The following EYS variants were observed in gnomAD, a reference collection of about 807,000 sequenced individuals.
The protein encoded by EYS is protein eyes shut homolog.
A neutral mutation model predicts 282.1 loss-of-function variants in EYS; 250 were observed. That is an observed-to-expected ratio of 0.89 (90% CI 0.80 to 0.98). The LOEUF is 0.98. Ranked by LOEUF, EYS falls within the 50% of genes least tolerant of loss-of-function variation. The pLI, the probability that EYS is intolerant of heterozygous loss-of-function variation, is 0.00. For synonymous variants in EYS, 1,355 were observed against 1,282.9 expected, an observed-to-expected ratio of 1.06 and a Z score of -1.20; for missense variants, 4,016 against 3,709.0, an observed-to-expected ratio of 1.08 and a Z score of -2.15.
At chr6:65,200,358 G>A (rs1026887727) in intron 12 of EYS, among the ~76,000 whole-genome samples, 1 of 151,570 alleles carries the variant, frequency 6.6e-6, no homozygotes, top group Non-Finnish European at 1.5e-5. Flanking sequence ...CAATATTTAA[G>A]CCAGAGAATT....
chr6:63,989,194 A>G (rs1767501407), intron 34 of EYS, among the ~76,000 whole-genome samples: 1 of 151,698 alleles, frequency 6.6e-6, no homozygotes, highest in African/African-American at 2.4e-5. Context: ...ATGACTTACA[A>G]TTGAAACAAA....
At chr6:64,184,127 G>A (rs767012828) in intron 31 of EYS, among the ~76,000 whole-genome samples, 71 of 152,090 alleles carry the variant, frequency 4.7e-4, no homozygotes, top group Non-Finnish European at 9.1e-4. Flanking sequence ...CAGCTTTATT[G>A]TCTTCCATGG....
intron 12 of EYS, among the ~76,000 whole-genome samples, chr6:65,221,708 G>A (rs1009759367): frequency 1.3e-5 from 2 of 152,168 alleles, no homozygotes; most frequent in African/African-American, 4.8e-5. Context: ...AAGGGCCACT[G>A]TCCTCTAGAC....
chr6:65,168,360 T>C (rs1210899596), intron 12 of EYS, among the ~76,000 whole-genome samples: 1 of 151,274 alleles, frequency 6.6e-6, no homozygotes, highest in Non-Finnish European at 1.5e-5. Context: ...CAGAATACCA[T>C]AAGCTGGTGG....
chr6:64,129,340 A>G lies in EYS; in HGVS notation c.6425-47338T>C, dbSNP rs188859204. Among the ~76,000 whole-genome samples the G allele has an allele frequency of 1.4e-4, 22 of 152,148 alleles. No individual in the cohort carries two copies. The East Asian group carries it at 4.1e-3, about 28-fold the overall frequency. ...TCTAACTGGTGTGAGATGGTGTCTC[A>G]TTGTGGTTTTGATTTGCATTTCTCT... On this transcript the variant is annotated intron_variant, in intron 31 of 42. Coordinates refer to ENST00000503581, the MANE Select transcript of EYS (RefSeq NM_001142800.2).
chr6:64,248,183 TTGTGTGTGTG>T lies in EYS; in HGVS notation c.6192-17369_6192-17360del, dbSNP rs10589491. 6.0e-4 allele frequency among the ~76,000 whole-genome samples: 88 copies of T among 146,392 alleles called. 1 individual carries two copies. The highest frequency in any genetic ancestry group is 1.2e-3 in the African/African-American group (48 of 39,686). On this transcript the variant is annotated intron_variant, in intron 30 of 42. Coordinates refer to ENST00000503581, the MANE Select transcript of EYS (RefSeq NM_001142800.2). Reference sequence around the variant, plus strand: ...GCAAGTGATTTGGTACAGAAGAAGCTTGTGTGTGTGTGTGTGTGTGTGTGTGTGTGTGTGT... The same window carrying T: ...GCAAGTGATTTGGTACAGAAGAAGCTTGTGTGTGTGTGTGTGTGTGTGTGT...
At chr6:65,658,299 T>C (rs974350966) in intron 1 of EYS, among the ~76,000 whole-genome samples, 2 of 151,024 alleles carry the variant, frequency 1.3e-5, no homozygotes, top group Non-Finnish European at 3.0e-5. Flanking sequence ...AACAGAAAAA[T>C]GAAATGACAT....
intron 5 of EYS, among the ~76,000 whole-genome samples, chr6:65,472,581 T>C (rs1269306450): frequency 6.6e-6 from 1 of 151,972 alleles, no homozygotes; most frequent in Non-Finnish European, 1.5e-5. Context: ...AAGTATAGGA[T>C]CCAATAATAT....
chr6:64,859,946 T>A (rs1328822445), intron 19 of EYS, among the ~76,000 whole-genome samples: 1 of 152,210 alleles, frequency 6.6e-6, no homozygotes, highest in Non-Finnish European at 1.5e-5. Context: ...TTATATCTCT[T>A]CTATCATTCA....
At chr6:64,548,891 T>G (rs1281341168) in intron 26 of EYS, among the ~76,000 whole-genome samples, 1 of 152,136 alleles carries the variant, frequency 6.6e-6, no homozygotes. Flanking sequence ...AGCTCCTTCC[T>G]CCCAACTGTT....
chr6:65,625,500 A>G (rs952939573), intron 2 of EYS, among the ~76,000 whole-genome samples: 29 of 152,334 alleles, frequency 1.9e-4, no homozygotes, highest in African/African-American at 6.0e-4. Context: ...AACAACAAAA[A>G]CATGTTAATT....
chr6:63,988,260 A>G (rs1767456872), intron 34 of EYS, among the ~76,000 whole-genome samples: 1 of 151,672 alleles, frequency 6.6e-6, no homozygotes, highest in Non-Finnish European at 1.5e-5. Context: ...ACATCTTTGT[A>G]TATTGATCAC....
At chr6:65,490,544 T>C in intron 5 of EYS, 50 bp downstream of exon 5, 1 of 988,932 alleles carries the variant, frequency 1.0e-6, no homozygotes. Flanking sequence ...AATACATAGA[T>C]AAAATTAAAG....
chr6:65,412,960 T>C (rs1767082687), intron 5 of EYS, among the ~76,000 whole-genome samples: 1 of 152,098 alleles, frequency 6.6e-6, no homozygotes, highest in Non-Finnish European at 1.5e-5. Context: ...TTTTCTGAGG[T>C]GAAAGCATTT....
intron 18 of EYS, 78 bp downstream of exon 18, chr6:64,902,035 T>C: frequency 5.3e-6 from 5 of 946,742 alleles, no homozygotes; most frequent in Non-Finnish European, 7.9e-6. Context: ...CTTAGTTACA[T>C]AATGAGCACA....
intron 36 of EYS, among the ~76,000 whole-genome samples, chr6:63,815,168 A>G (rs1234200763): frequency 6.6e-6 from 1 of 152,236 alleles, no homozygotes; most frequent in African/African-American, 2.4e-5. Flanking sequence ...AATATTAAAA[A>G]TAGCAATTAT....
chr6:65,302,298 G>A (rs1283401832), intron 11 of EYS, among the ~76,000 whole-genome samples: 1 of 152,172 alleles, frequency 6.6e-6, no homozygotes, highest in African/African-American at 2.4e-5. Context: ...CATGGATTGA[G>A]TGTTGGTTCG....
At chr6:65,139,044 A>G (rs1303238927) in intron 12 of EYS, among the ~76,000 whole-genome samples, 3 of 152,080 alleles carry the variant, frequency 2.0e-5, no homozygotes, top group African/African-American at 7.2e-5. Flanking sequence ...AAAGAACTTA[A>G]AACAGAATTA....
At chr6:63,774,175 T>TTC (rs1277993335) in intron 40 of EYS, among the ~76,000 whole-genome samples, 1 of 144,128 alleles carries the variant, frequency 6.9e-6, no homozygotes, top group African/African-American at 2.7e-5. Context: ...ACTGCTTTTC[T>TTC]TTTTTTTTTT....
Sources: gnomAD v4.1 joint callset for allele counts (sites outside exome capture counted in the v4.1 genomes callset) on GRCh38, gnomAD v4.1.1 for gene constraint, MANE v1.5 for transcripts, NCBI Gene and HGNC (gene_info 2026-07-23, HGNC 2026-07-21) for gene names.